The following TEX9 variants were observed in gnomAD, a reference collection of about 807,000 sequenced individuals.
TEX9 encodes the protein testis-expressed protein 9.
A neutral mutation model predicts 59.6 loss-of-function variants in TEX9; 74 were observed. The observed-to-expected ratio is 1.24, with a 90% CI of 1.03 to 1.51. The LOEUF (loss-of-function observed/expected upper bound fraction) is 1.51. Ranked by LOEUF, TEX9 falls within the 40% of genes most tolerant of loss-of-function variation. The probability of loss-of-function intolerance (pLI) is 0.00; values close to 1 mark genes in which losing one functional copy is unlikely to be tolerated. For synonymous variants in TEX9, 186 were observed against 152.2 expected, an observed-to-expected ratio of 1.22 and a Z score of -1.64; for missense variants, 522 against 447.8, an observed-to-expected ratio of 1.17 and a Z score of -1.49.
intron 9 of TEX9, 68 bp from the exon 10 acceptor site, chr15:56,412,234 C>T (rs1231898918): frequency 2.1e-6 from 3 of 1,452,674 alleles, no homozygotes; most frequent in African/African-American, 2.9e-5. Flanking sequence ...ATGGAAGATA[C>T]TGCAAAATGA....
exon 9 of TEX9, chr15:56,394,816 G>A (rs2048380155): frequency 6.2e-7 from 1 of 1,608,914 alleles, no homozygotes; most frequent in Non-Finnish European, 8.5e-7. Flanking sequence ...TACAGCAACA[G>A]TTGTCTTCAG....
chr15:56,284,877 C>G (rs1340222589), intron 1 of TEX9, among the ~76,000 whole-genome samples: 1 of 152,088 alleles, frequency 6.6e-6, no homozygotes. Flanking sequence ...TGATTTCTAG[C>G]TTAATTTTAC....
chr15:56,333,562 G>T (rs1472757182), intron 1 of TEX9, among the ~76,000 whole-genome samples: 1 of 150,876 alleles, frequency 6.6e-6, no homozygotes, highest in Non-Finnish European at 1.5e-5. Context: ...ACCATAGATA[G>T]TATATCACGC....
At chr15:56,365,447 G>C (rs772638867) in exon 1 of TEX9, 23 of 1,609,842 alleles carry the variant, frequency 1.4e-5, no homozygotes, top group Non-Finnish European at 1.8e-5. Flanking sequence ...CGCAGTCGCC[G>C]AAGATGGCGG....
intron 12 of TEX9, among the ~76,000 whole-genome samples, chr15:56,439,615 G>T (rs192885252): frequency 4.1e-4 from 63 of 152,146 alleles, no homozygotes; most frequent in Admixed American, 2.0e-3. Context: ...TTCAATGTTG[G>T]AGAAACAGCC....
intron 1 of TEX9, among the ~76,000 whole-genome samples, chr15:56,275,899 T>G (rs2044656928): frequency 6.6e-6 from 1 of 152,150 alleles, no homozygotes; most frequent in South Asian, 2.1e-4. Context: ...TAACTGAGTA[T>G]AGAACTCTAT....
rs540633749 is a variant in TEX9 at position 56,385,909 on chromosome 15, A to G, written c.263+1878A>G. On this transcript the variant is annotated intron_variant, in intron 4 of 12. Transcript: ENST00000352903. Reference sequence around the variant, plus strand: ...TGGGACATTATTCATTTATTCAAAAATAATTATTGCATGCGATCCAGTATT... The same window carrying G: ...TGGGACATTATTCATTTATTCAAAAGTAATTATTGCATGCGATCCAGTATT... Among the ~76,000 whole-genome samples the G allele has an allele frequency of 5.3e-5, 8 of 152,216 alleles. No individual in the cohort carries two copies. The East Asian group carries it at 1.5e-3, about 29-fold the overall frequency.
chr15:56,341,270 A>G (rs2046367642), intron 1 of TEX9, among the ~76,000 whole-genome samples: 2 of 152,038 alleles, frequency 1.3e-5, no homozygotes, highest in African/African-American at 2.4e-5. Flanking sequence ...CAATCCTTAT[A>G]ATTACTCCTC....
At chr15:56,429,088 A>T (rs375554360) in intron 12 of TEX9, 390 of 1,544,616 alleles carry the variant, frequency 2.5e-4, no homozygotes, top group Non-Finnish European at 2.9e-4. Context: ...TGCTTTACCC[A>T]ATTTTGATGA....
At chr15:56,264,680 T>C (rs1480111137) in intron 1 of TEX9, among the ~76,000 whole-genome samples, 1 of 152,232 alleles carries the variant, frequency 6.6e-6, no homozygotes, top group African/African-American at 2.4e-5. Flanking sequence ...ATGTGTGACC[T>C]AATGTCACAA....
downstream of TEX9, among the ~76,000 whole-genome samples, chr15:56,446,390 G>A (rs1370263373): frequency 6.6e-6 from 1 of 151,994 alleles, no homozygotes; most frequent in Non-Finnish European, 1.5e-5. Flanking sequence ...CATATCAGGA[G>A]TTAGAAAAGG....
intron 1 of TEX9, among the ~76,000 whole-genome samples, chr15:56,256,189 A>G (rs561030915): frequency 2.0e-5 from 3 of 152,086 alleles, no homozygotes; most frequent in Non-Finnish European, 4.4e-5. Flanking sequence ...TTATCTTTTT[A>G]TTTTCACAGT....
intron 1 of TEX9, among the ~76,000 whole-genome samples, chr15:56,311,407 T>C (rs1322355190): frequency 1.4e-5 from 2 of 139,878 alleles, no homozygotes; most frequent in African/African-American, 5.2e-5. Flanking sequence ...GGTTTTTTGT[T>C]CTTGCGATAG....
intron 1 of TEX9, among the ~76,000 whole-genome samples, chr15:56,253,925 T>A (rs1355973777): frequency 6.6e-6 from 1 of 152,164 alleles, no homozygotes; most frequent in Admixed American, 6.6e-5. Flanking sequence ...AGGGCTTCAC[T>A]TTTCTCTCTG....
At chr15:56,306,861 C>T (rs1442609569) in intron 1 of TEX9, among the ~76,000 whole-genome samples, 2 of 152,020 alleles carry the variant, frequency 1.3e-5, no homozygotes, top group African/African-American at 4.8e-5. Flanking sequence ...CTCATGTATC[C>T]CATAAATATA....
At chr15:56,449,208 CT>C (rs1407781060), downstream of TEX9, among the ~76,000 whole-genome samples, 2 of 152,106 alleles carry the variant, frequency 1.3e-5, no homozygotes, top group Non-Finnish European at 2.9e-5. Flanking sequence ...TGACTAAAAG[CT>C]GTCAGAGCAG....
chr15:56,450,124 C>A (rs1792947838), downstream of TEX9, among the ~76,000 whole-genome samples: 1 of 152,128 alleles, frequency 6.6e-6, no homozygotes, highest in Admixed American at 6.5e-5. Flanking sequence ...AGTTTGTTTT[C>A]TAGTAATTCC....
intron 12 of TEX9, among the ~76,000 whole-genome samples, chr15:56,442,277 G>A (rs2050828606): frequency 6.6e-6 from 1 of 152,172 alleles, no homozygotes; most frequent in Non-Finnish European, 1.5e-5. Context: ...TACACTGTTG[G>A]TGGGAATGTA....
At chr15:56,446,865 C>G (rs17238740), downstream of TEX9, 1 of 1,609,526 alleles carries the variant, frequency 6.2e-7, no homozygotes, top group East Asian at 2.2e-5. Context: ...TAATGGCATC[C>G]TTTTCAGCAA....
Sources: gnomAD v4.1 joint callset for allele counts (sites outside exome capture counted in the v4.1 genomes callset) on GRCh38, gnomAD v4.1.1 for gene constraint, MANE v1.5 for transcripts, NCBI Gene and HGNC (gene_info 2026-07-23, HGNC 2026-07-21) for gene names.